Variants in VAV3 observed in about 807,000 individuals in gnomAD.
The protein encoded by VAV3 is vav guanine nucleotide exchange factor 3, also known as guanine nucleotide exchange factor VAV3.
VAV3 carries 94 observed loss-of-function variants against 131.2 expected under a neutral mutation model. That is an observed-to-expected ratio of 0.72 (90% CI 0.61 to 0.85). VAV3 has a LOEUF of 0.85. Ranked by LOEUF, VAV3 falls within the 40% of genes least tolerant of loss-of-function variation. The probability of loss-of-function intolerance (pLI) is 0.00; values close to 1 mark genes in which losing one functional copy is unlikely to be tolerated. For synonymous variants in VAV3, 349 were observed against 342.0 expected, an observed-to-expected ratio of 1.02 and a Z score of -0.22; for missense variants, 939 against 1,002.7, an observed-to-expected ratio of 0.94 and a Z score of 0.86.
intron 1 of VAV3, among the ~76,000 whole-genome samples, chr1:107,952,885 T>C (rs1674624484): frequency 6.6e-6 from 1 of 152,100 alleles, no homozygotes; most frequent in South Asian, 2.1e-4. Context: ...AAACAGAAAG[T>C]AGAGGGGCTA....
chr1:107,893,970 A>G (rs538578224), intron 1 of VAV3, among the ~76,000 whole-genome samples: 1 of 152,310 alleles, frequency 6.6e-6, no homozygotes, highest in South Asian at 2.1e-4. Flanking sequence ...ATGATTCACC[A>G]TCAACACATC....
chr1:107,787,382 G>C (rs1233481116), intron 2 of VAV3, among the ~76,000 whole-genome samples: 1 of 152,208 alleles, frequency 6.6e-6, no homozygotes, highest in Admixed American at 6.5e-5. Flanking sequence ...TAACAATGAA[G>C]GGTACTGAGG....
At chr1:107,963,122 C>A (rs1675212458) in intron 1 of VAV3, among the ~76,000 whole-genome samples, 1 of 152,110 alleles carries the variant, frequency 6.6e-6, no homozygotes, top group African/African-American at 2.4e-5. Context: ...CTTCAGCTGT[C>A]CAGAAAACGT....
chr1:107,941,987 C>T (rs957241373), intron 1 of VAV3, among the ~76,000 whole-genome samples: 18 of 152,244 alleles, frequency 1.2e-4, no homozygotes, highest in African/African-American at 4.3e-4. Flanking sequence ...TAGACTGTCT[C>T]CTCCTAGAAT....
At chr1:107,592,905 C>T (rs7554525) in intron 25 of VAV3, among the ~76,000 whole-genome samples, 22,035 of 152,036 alleles carry the variant, frequency 0.14, 1,928 homozygotes, top group East Asian at 0.35. Context: ...TTTGAGATGA[C>T]CATTTTGGAA....
intron 2 of VAV3, among the ~76,000 whole-genome samples, chr1:107,796,973 T>C (rs1357237012): frequency 2.0e-5 from 3 of 152,004 alleles, no homozygotes; most frequent in Non-Finnish European, 4.4e-5. Flanking sequence ...AGTAAAATAA[T>C]TTTTTTAAAT....
chr1:107,750,373 C>T (rs1240878067), intron 13 of VAV3, among the ~76,000 whole-genome samples: 1 of 152,172 alleles, frequency 6.6e-6, no homozygotes, highest in Non-Finnish European at 1.5e-5. Context: ...AACCTTATAA[C>T]CACATCATCC....
intron 1 of VAV3, among the ~76,000 whole-genome samples, chr1:107,893,458 T>C (rs1671410832): frequency 6.6e-6 from 1 of 152,136 alleles, no homozygotes; most frequent in Admixed American, 6.5e-5. Flanking sequence ...TGAGACTGGG[T>C]AATTTATACA....
intron 1 of VAV3, among the ~76,000 whole-genome samples, chr1:107,932,650 T>G (rs770583589): frequency 1.6e-4 from 25 of 152,186 alleles, no homozygotes; most frequent in Non-Finnish European, 2.2e-4. Context: ...ATAGGGAGGT[T>G]ATACTGGATT....
intron 15 of VAV3, among the ~76,000 whole-genome samples, chr1:107,713,219 A>G (rs1349574463): frequency 1.3e-5 from 2 of 152,188 alleles, no homozygotes; most frequent in Non-Finnish European, 2.9e-5. Flanking sequence ...TAGGAACCTG[A>G]TATTTATTTT....
chr1:107,915,221 G>A (rs1043018568), intron 1 of VAV3, among the ~76,000 whole-genome samples: 2 of 152,154 alleles, frequency 1.3e-5, no homozygotes, highest in Admixed American at 1.3e-4. Context: ...ATGAAAAATT[G>A]TGGTAATGGG....
intron 15 of VAV3, among the ~76,000 whole-genome samples, chr1:107,738,156 G>A (rs1438466479): frequency 6.6e-6 from 1 of 152,168 alleles, no homozygotes; most frequent in East Asian, 1.9e-4. Context: ...ATTGAACAAT[G>A]AGAACACTTG....
intron 22 of VAV3, among the ~76,000 whole-genome samples, chr1:107,603,536 G>C (rs1350350111): frequency 1.3e-5 from 2 of 152,016 alleles, no homozygotes; most frequent in Non-Finnish European, 2.9e-5. Context: ...ATTTATTTTA[G>C]CTTTTCTATA....
At chr1:107,819,968 C>A (rs1356445665) in intron 2 of VAV3, among the ~76,000 whole-genome samples, 1 of 151,976 alleles carries the variant, frequency 6.6e-6, no homozygotes, top group South Asian at 2.1e-4. Context: ...CAAATGCTGA[C>A]GAGGATATGG....
At chr1:107,916,233 A>T (rs1170230609) in intron 1 of VAV3, among the ~76,000 whole-genome samples, 14 of 152,352 alleles carry the variant, frequency 9.2e-5, no homozygotes, top group Admixed American at 5.2e-4. Flanking sequence ...GGTAAGTTCA[A>T]GTGACATCAA....
At chr1:107,882,784 A>G (rs1210460427) in intron 1 of VAV3, among the ~76,000 whole-genome samples, 1 of 152,204 alleles carries the variant, frequency 6.6e-6, no homozygotes, top group Non-Finnish European at 1.5e-5. Context: ...CATCATCCTC[A>G]TTCTAAGAAA....
At chr1:107,875,668 G>A (rs1170163322) in intron 1 of VAV3, among the ~76,000 whole-genome samples, 1 of 152,186 alleles carries the variant, frequency 6.6e-6, no homozygotes, top group East Asian at 1.9e-4. Context: ...TGACTGATAT[G>A]GGAGGTCATT....
At chr1:107,930,738 T>C (rs915026126) in intron 1 of VAV3, among the ~76,000 whole-genome samples, 2 of 152,158 alleles carry the variant, frequency 1.3e-5, no homozygotes, top group African/African-American at 4.8e-5. Context: ...ATTGAAGAGA[T>C]GATACTGTCA....
At chr1:107,786,746 C>T (rs1666028966) in intron 2 of VAV3, among the ~76,000 whole-genome samples, 1 of 152,144 alleles carries the variant, frequency 6.6e-6, no homozygotes, top group Non-Finnish European at 1.5e-5. Context: ...CTCAGAGAAG[C>T]CACACCTCTC....
Sources: allele counts gnomAD v4.1 joint callset (sites outside exome capture counted in the v4.1 genomes callset), GRCh38; gene constraint gnomAD v4.1.1; transcripts MANE v1.5; gene names NCBI Gene and HGNC (gene_info 2026-07-23, HGNC 2026-07-21).